The following PLA2G2C variants were observed in gnomAD, a reference collection of about 807,000 sequenced individuals.
PLA2G2C encodes phospholipase A2 group IIC, also known as putative inactive group IIC secretory phospholipase A2.
Under a neutral mutation model 14.3 loss-of-function variants are expected in PLA2G2C, and 15 were observed. The ratio of observed to expected loss-of-function variants is 1.05; its 90% confidence interval spans 0.70 to 1.62. PLA2G2C has a LOEUF of 1.62. PLA2G2C is among the 40% of genes most tolerant of loss of function. PLA2G2C has a pLI of 0.00. For missense variants in PLA2G2C, 162 were observed against 173.2 expected (o/e 0.94, Z 0.36); for synonymous variants, 79 against 67.7 (o/e 1.17, Z -0.82).
intron 4 of PLA2G2C, among the ~76,000 whole-genome samples, chr1:20,169,070 C>A (rs1399338863): frequency 2.0e-5 from 3 of 152,192 alleles, no homozygotes; most frequent in Admixed American, 6.5e-5. Context: ...TGGGACCAGG[C>A]CTGGGTGCAG....
intron 1 of PLA2G2C, among the ~76,000 whole-genome samples, chr1:20,183,550 T>C (rs1423794497): frequency 6.6e-6 from 1 of 152,158 alleles, no homozygotes; most frequent in Non-Finnish European, 1.5e-5. Flanking sequence ...TTAAGGAGCG[T>C]TGTGAAGATG....
intron 1 of PLA2G2C, among the ~76,000 whole-genome samples, chr1:20,178,560 A>G (rs555142305): frequency 6.6e-5 from 10 of 152,200 alleles, no homozygotes; most frequent in Admixed American, 3.3e-4. Context: ...CTTCACTTCA[A>G]TTGCTGTGCG....
intron 4 of PLA2G2C, among the ~76,000 whole-genome samples, chr1:20,171,758 C>CT (rs10710359): frequency 0.047 from 5,749 of 121,564 alleles, 256 homozygotes; most frequent in Non-Finnish European, 0.072. Context: ...GCCACTTCTT[C>CT]TTTTTTTTTT....
chr1:20,170,921 G>C (rs543218655), intron 4 of PLA2G2C, among the ~76,000 whole-genome samples: 1 of 141,888 alleles, frequency 7.0e-6, no homozygotes, highest in African/African-American at 2.7e-5. Flanking sequence ...CAGTGCCACT[G>C]CCTGGGGCTC....
chr1:20,163,904 G>A lies in PLA2G2C; in HGVS notation c.*87C>T, dbSNP rs1319691072. On this transcript the variant is annotated 3_prime_UTR_variant, in exon 5 of 5. Coordinates refer to ENST00000679259, the MANE Select transcript of PLA2G2C (RefSeq NM_001367969.2). ...GTCCTCCCTCCCAGTGGAAGAACAG[G>A]GGCCTGTTGGGGATGATCTGAGAAG... is the stretch of plus-strand genomic sequence containing the variant. 1 of 1,394,932 alleles carries A rather than the reference G, an allele frequency of 7.2e-7. No homozygotes were observed. The highest frequency in any genetic ancestry group is 1.5e-5 in the African/African-American group (1 of 68,782). 86.4% of individuals were successfully genotyped at this position (1,394,932 alleles called of 1,614,324 possible).
chr1:20,182,111 C>G (rs761590865), intron 1 of PLA2G2C, among the ~76,000 whole-genome samples: 2 of 152,162 alleles, frequency 1.3e-5, no homozygotes, highest in Non-Finnish European at 2.9e-5. Context: ...TTCTGCTTAA[C>G]AAGACTGGAA....
At chr1:20,173,036 T>C (rs1304120757) in intron 3 of PLA2G2C, 139 bp from the exon 4 acceptor site, 12 of 611,132 alleles carry the variant, frequency 2.0e-5, no homozygotes, top group Non-Finnish European at 2.9e-5. Context: ...AGGCCAGGTG[T>C]GGTGGCTCAT....
At chr1:20,170,001 G>C (rs992969322) in intron 4 of PLA2G2C, among the ~76,000 whole-genome samples, 13 of 152,256 alleles carry the variant, frequency 8.5e-5, no homozygotes, top group Non-Finnish European at 1.9e-4. Context: ...GGGGAAGCTA[G>C]TGTGAGACAG....
At chr1:20,167,102 G>A (rs1007441320) in intron 4 of PLA2G2C, among the ~76,000 whole-genome samples, 1 of 152,218 alleles carries the variant, frequency 6.6e-6, no homozygotes, top group Non-Finnish European at 1.5e-5. Flanking sequence ...CAGCAAGTCT[G>A]CATTCCTGCC....
At chr1:20,166,879 C>T (rs2017988171) in intron 4 of PLA2G2C, among the ~76,000 whole-genome samples, 1 of 152,206 alleles carries the variant, frequency 6.6e-6, no homozygotes, top group Non-Finnish European at 1.5e-5. Flanking sequence ...TGGCATTCCT[C>T]AACCATGGAC....
Position 20,164,339 on chromosome 1 carries a change from C to T in PLA2G2C, c.284-182G>A, listed in dbSNP as rs553434680. The stretch of plus-strand genomic sequence containing the variant: ...GTGTGTGTGCATATGCATTTGTGTG[C>T]GTGCATATGCATTTGTGTGCATCTG... On this transcript the variant is annotated intron_variant, in intron 4 of 4. Coordinates refer to ENST00000679259, the MANE Select transcript of PLA2G2C (RefSeq NM_001367969.2). 4.6e-5 allele frequency among the ~76,000 whole-genome samples: 7 copies of T among 152,086 alleles called. No homozygotes were observed. The East Asian group carries it at 7.7e-4, about 17-fold the overall frequency.
intron 4 of PLA2G2C, among the ~76,000 whole-genome samples, chr1:20,169,929 C>T (rs960575218): frequency 6.6e-6 from 1 of 152,218 alleles, no homozygotes; most frequent in African/African-American, 2.4e-5. Context: ...CAGTTTGCTG[C>T]AGATCCTGAG....
intron 3 of PLA2G2C, 76 bp from the exon 4 acceptor site, chr1:20,172,973 T>C: frequency 9.3e-7 from 1 of 1,073,882 alleles, no homozygotes; most frequent in South Asian, 1.4e-5. Flanking sequence ...CCTCCTCCTC[T>C]AGGCAAGAAG....
intron 4 of PLA2G2C, among the ~76,000 whole-genome samples, chr1:20,165,726 A>G (rs201526340): frequency 2.7e-5 from 3 of 112,430 alleles, no homozygotes; most frequent in Admixed American, 9.1e-5. Context: ...GTGCATGTGT[A>G]TGCTTGTGTG....
intron 1 of PLA2G2C, among the ~76,000 whole-genome samples, chr1:20,182,575 C>A (rs1455459648): frequency 6.6e-6 from 1 of 152,180 alleles, no homozygotes; most frequent in Non-Finnish European, 1.5e-5. Flanking sequence ...GTTAAGTGAC[C>A]CATGTCTGTA....
rs531141605 is a variant in PLA2G2C at position 20,177,246 on chromosome 1, A to T, written c.40+78T>A. The T allele has an allele frequency of 3.6e-4, 251 of 699,882 alleles. 4 individuals are homozygous for T. The South Asian group carries it at 3.6e-3, about 10-fold the overall frequency. 43.4% of individuals were successfully genotyped at this position (699,882 alleles called of 1,614,324 possible). Reference sequence around the variant, plus strand: ...CTTGTGACTTCCCTCACCTGGTGCCACCTGGAGAGTCCCCCCTCCCACTGA... The same window carrying T: ...CTTGTGACTTCCCTCACCTGGTGCCTCCTGGAGAGTCCCCCCTCCCACTGA... On this transcript the variant is annotated intron_variant, in intron 2 of 4. Transcript: ENST00000679259.
chr1:20,179,689 G>GTGTGTGTCAGCTTCTCCCT (rs887465079), intron 1 of PLA2G2C, among the ~76,000 whole-genome samples: 1 of 136,478 alleles, frequency 7.3e-6, no homozygotes, highest in Non-Finnish European at 1.5e-5. Flanking sequence ...GTTTCTCTCT[G>GTGTGTGTCAGCTTCTCCCT]TGTGTGTCAG....
rs1047949456 is a variant in PLA2G2C, at chr1:20,163,409, C to T, written c.*582G>A. On this transcript the variant is annotated 3_prime_UTR_variant, in exon 5 of 5. Transcript: ENST00000679259. Reference sequence around the variant, plus strand: ...CTAAGCCACAAGACCAGTTCAGATTCATGGGATGGGGAAAACAGATTCTGC... The same window carrying T: ...CTAAGCCACAAGACCAGTTCAGATTTATGGGATGGGGAAAACAGATTCTGC... The T allele has an allele frequency of 6.6e-6, 1 of 152,486 alleles. No individual in the cohort carries two copies. Among genetic ancestry groups the T allele is most frequent in the Non-Finnish European group, 1.5e-5 (1 of 68,254 alleles). 9.4% of individuals were successfully genotyped at this position (152,486 alleles called of 1,614,324 possible).
intron 4 of PLA2G2C, among the ~76,000 whole-genome samples, chr1:20,164,403 C>A (rs1482277730): frequency 6.6e-6 from 1 of 151,922 alleles, no homozygotes; most frequent in Non-Finnish European, 1.5e-5. Flanking sequence ...TGTGCATGTG[C>A]CTGTGTATGT....
Sources: gnomAD v4.1 joint callset for allele counts (sites outside exome capture counted in the v4.1 genomes callset) on GRCh38, gnomAD v4.1.1 for gene constraint, MANE v1.5 for transcripts, NCBI Gene and HGNC (gene_info 2026-07-23, HGNC 2026-07-21) for gene names.